The following GCSAML variants were observed in gnomAD, a reference collection of about 807,000 sequenced individuals.
GCSAML encodes the protein germinal center associated signaling and motility like.
A neutral mutation model predicts 13.0 loss-of-function variants in GCSAML; 9 were observed. That is an observed-to-expected ratio of 0.69 (90% confidence interval 0.42 to 1.21). The LOEUF (loss-of-function observed/expected upper bound fraction) is 1.21. GCSAML is among the 50% of genes most tolerant of loss of function. The pLI, the probability that GCSAML is intolerant of heterozygous loss-of-function variation, is 0.00. For synonymous variants in GCSAML, 37 were observed against 52.9 expected (o/e 0.70, Z 1.31); for missense variants, 143 against 153.4 (o/e 0.93, Z 0.36).
intron 2 of GCSAML, among the ~76,000 whole-genome samples, chr1:247,562,230 G>C (rs552146773): frequency 6.6e-6 from 1 of 152,284 alleles, no homozygotes; most frequent in Non-Finnish European, 1.5e-5. Context: ...ATGGAGCCAT[G>C]AGTAAGGAAC....
At position 247,533,215 on chromosome 1, in the gene GCSAML, C is replaced by T. The variant is rs142567705; in HGVS notation, c.-148+6161C>T. 4.2e-3 allele frequency among the ~76,000 whole-genome samples: 641 copies of T among 152,314 alleles called. 10 individuals carry two copies. The highest frequency in any genetic ancestry group is 0.015 in the African/African-American group (611 of 41,566). ...AATACTCTAACTCATCTCTCTGCTT[C>T]TCCTTTGCTCCCCTTCCAAGTACTC... is the stretch of plus-strand genomic sequence containing the variant. On this transcript the variant is annotated intron_variant, in intron 2 of 5. Coordinates refer to the GCSAML transcript ENST00000366489.
chr1:247,510,299 T>C (rs2103294722), intron 1 of GCSAML, among the ~76,000 whole-genome samples: 1 of 152,358 alleles, frequency 6.6e-6, no homozygotes, highest in East Asian at 1.9e-4. Flanking sequence ...TAGAGGTGTT[T>C]ATACTATTCT....
At chr1:247,531,964 G>A (rs543197980) in intron 2 of GCSAML, 87 of 1,614,058 alleles carry the variant, frequency 5.4e-5, no homozygotes, top group Non-Finnish European at 7.0e-5. Flanking sequence ...CATAATGAGG[G>A]GCATCTCGCA....
At chr1:247,564,512 ACT>A (rs1668266617) in intron 3 of GCSAML, among the ~76,000 whole-genome samples, 1 of 152,114 alleles carries the variant, frequency 6.6e-6, no homozygotes, top group Middle Eastern at 3.4e-3. Context: ...CCTAAAGGAA[ACT>A]CTCTGTTTAT....
chr1:247,518,936 C>A (rs1666319666), intron 1 of GCSAML, among the ~76,000 whole-genome samples: 2 of 152,010 alleles, frequency 1.3e-5, no homozygotes, highest in South Asian at 2.1e-4. Flanking sequence ...CTTCAGTGAG[C>A]TCTAATCACA....
intron 2 of GCSAML, chr1:247,531,578 C>T: frequency 7.4e-6 from 12 of 1,614,028 alleles, no homozygotes; most frequent in Non-Finnish European, 9.3e-6. Flanking sequence ...CCTGCAGAGC[C>T]ACAGCAGTTC....
intron 4 of GCSAML, among the ~76,000 whole-genome samples, chr1:247,568,886 C>G (rs1175744707): frequency 6.6e-6 from 1 of 151,978 alleles, no homozygotes; most frequent in Admixed American, 6.6e-5. Flanking sequence ...TGAAGAGGTG[C>G]TTTACGTCCC....
At chr1:247,549,801 A>G (rs1667704731) in intron 1 of GCSAML, among the ~76,000 whole-genome samples, 1 of 152,094 alleles carries the variant, frequency 6.6e-6, no homozygotes, top group African/African-American at 2.4e-5. Context: ...TTAGCCTTAC[A>G]CTCTTCCAAT....
At chr1:247,550,165 T>G (rs989757846) in intron 1 of GCSAML, among the ~76,000 whole-genome samples, 4 of 152,144 alleles carry the variant, frequency 2.6e-5, no homozygotes, top group African/African-American at 9.7e-5. Context: ...GAGGACTCTC[T>G]GGAATGGGGG....
At chr1:247,538,847 G>A (rs762338383) in intron 2 of GCSAML, 5 of 440,422 alleles carry the variant, frequency 1.1e-5, no homozygotes, top group Non-Finnish European at 1.8e-5. Flanking sequence ...GTTTTGTTAT[G>A]ATATCTCGAC....
intron 1 of GCSAML, among the ~76,000 whole-genome samples, chr1:247,551,808 G>T (rs1558252801): frequency 6.6e-6 from 1 of 152,116 alleles, no homozygotes; most frequent in African/African-American, 2.4e-5. Context: ...AATATGATTG[G>T]ACAAAAAGGA....
upstream of GCSAML, among the ~76,000 whole-genome samples, chr1:247,547,644 G>C (rs1423773202): frequency 1.3e-5 from 2 of 152,188 alleles, no homozygotes; most frequent in Non-Finnish European, 1.5e-5. Context: ...GGTGGATCTT[G>C]AGAGTTTGCA....
Position 247,556,455 on chromosome 1 carries a change from G to T in GCSAML, c.78G>T (p.Glu26Asp). 1 of 1,610,558 alleles carries T rather than the reference G, an allele frequency of 6.2e-7. No homozygotes were observed. Among genetic ancestry groups the T allele is most frequent in the Non-Finnish European group, 8.5e-7 (1 of 1,177,374 alleles). Residue 26 changes from glutamate (E) to aspartate (D), a missense_variant, in exon 2 of 5, where the codon GAG becomes GAT. Coordinates refer to ENST00000366488, the MANE Select transcript of GCSAML (RefSeq NM_145278.5). ...AGCCCAAGAAAGGAAACCCAGATGA[G>T]GAAAGAAAACGGTAAGAACAGAGCA... ...QKKPKKGNPDEERKRQEMTTF... is the reference protein window; with the variant it reads ...QKKPKKGNPDDERKRQEMTTF...
chr1:247,509,655 T>A (rs1335997407), intron 1 of GCSAML, among the ~76,000 whole-genome samples: 1 of 152,224 alleles, frequency 6.6e-6, no homozygotes, highest in Non-Finnish European at 1.5e-5. Context: ...AAATAGCTCT[T>A]ACTATTTTGA....
At chr1:247,534,467 A>G (rs1201641835) in intron 2 of GCSAML, among the ~76,000 whole-genome samples, 2 of 152,216 alleles carry the variant, frequency 1.3e-5, no homozygotes, top group Admixed American at 6.5e-5. Flanking sequence ...AGAGTCATGC[A>G]GAAGGGTCTG....
intron 1 of GCSAML, among the ~76,000 whole-genome samples, chr1:247,514,035 C>T (rs1666131673): frequency 6.6e-6 from 1 of 151,956 alleles, no homozygotes; most frequent in African/African-American, 2.4e-5. Context: ...GGTTGGAGTG[C>T]AGTGGTGTGA....
intron 2 of GCSAML, among the ~76,000 whole-genome samples, chr1:247,542,056 A>C (rs918764903): frequency 6.6e-6 from 1 of 152,054 alleles, no homozygotes; most frequent in Non-Finnish European, 1.5e-5. Context: ...TGAATAGACA[A>C]ACTAATAACT....
upstream of GCSAML, among the ~76,000 whole-genome samples, chr1:247,547,490 CTACT>C (rs764095417): frequency 2.6e-5 from 4 of 152,190 alleles, no homozygotes; most frequent in Non-Finnish European, 4.4e-5. Flanking sequence ...TAACATGGAG[CTACT>C]TACTTGAGCA....
At chr1:247,545,416 T>C (rs959390542), upstream of GCSAML, among the ~76,000 whole-genome samples, 1 of 152,244 alleles carries the variant, frequency 6.6e-6, no homozygotes, top group Non-Finnish European at 1.5e-5. Context: ...TCAGGATTTA[T>C]TTGTAAGAAT....
Sources: allele counts gnomAD v4.1 joint callset (sites outside exome capture counted in the v4.1 genomes callset), GRCh38; gene constraint gnomAD v4.1.1; transcripts MANE v1.5; gene names NCBI Gene and HGNC (gene_info 2026-07-23, HGNC 2026-07-21).